Variants in RECQL5 observed in about 807,000 individuals in gnomAD.
The protein encoded by RECQL5 is RecQ like helicase 5, also known as ATP-dependent DNA helicase Q5.
In RECQL5, 88 loss-of-function variants were observed where a neutral mutation model predicts 103.4. The observed-to-expected ratio is 0.85, with a 90% confidence interval of 0.72 to 1.02. The LOEUF (loss-of-function observed/expected upper bound fraction) is 1.02, where lower values mean the gene tolerates loss of function less well. RECQL5 is among the 50% of genes least tolerant of loss of function. The pLI, the probability that RECQL5 is intolerant of heterozygous loss-of-function variation, is 0.00. For missense variants in RECQL5, 1,232 were observed against 1,284.3 expected, an observed-to-expected ratio of 0.96 and a Z score of 0.62; for synonymous variants, 552 against 507.9, an observed-to-expected ratio of 1.09 and a Z score of -1.17.
intron 7 of RECQL5, among the ~76,000 whole-genome samples, chr17:75,656,772 T>A (rs1021164214): frequency 9.9e-5 from 14 of 141,290 alleles, no homozygotes; most frequent in African/African-American, 3.7e-4. Context: ...TGAGACAGAG[T>A]CTCACTCTGT....
In RECQL5 at chr17:75,627,200, G is replaced by A. The variant is rs548508385; in HGVS notation, c.*222C>T. 2.3e-5 allele frequency: 15 copies of A among 655,656 alleles called. No homozygotes were observed. Among genetic ancestry groups the A allele is most frequent in the Non-Finnish European group, 3.4e-5 (12 of 355,624 alleles). 40.6% of individuals were successfully genotyped at this position (655,656 alleles called of 1,614,324 possible). A position where few individuals can be genotyped will look rare whatever the true frequency, so the allele number is the denominator to read the frequency against. On this transcript the variant is annotated 3_prime_UTR_variant, in exon 20 of 20. Transcript: ENST00000317905. The stretch of plus-strand genomic sequence containing the variant: ...GTGTCCCAGAAAACCCAGCCATGAG[G>A]ACCGCTCTGAGAAGGGTCTATAGGC...
chr17:75,630,809 A>G lies in RECQL5; in HGVS notation c.1614T>C (p.Ser538=), dbSNP rs765315385. ...CAGTCAGCCTGGGGATCCTCCTGCT[A>G]GAAGCCTCTTTCAGGGGACAGTTCT... ...PDENCPLKEA[S]SRRIPRLTVK... is the part of the protein sequence containing the mutation. The change falls in exon 12 of 20, where the codon TCT becomes TCC. Residue 538 remains serine, a synonymous_variant. Transcript: ENST00000317905. 2 of 1,436,796 alleles carry G rather than the reference A, an allele frequency of 1.4e-6. No homozygotes were observed. The highest frequency in any genetic ancestry group is 4.5e-5 in the Admixed American group (2 of 44,670). 89.0% of individuals were successfully genotyped at this position (1,436,796 alleles called of 1,614,324 possible).
chr17:75,633,802 G>T (rs2148251424), intron 8 of RECQL5: 2 of 1,008,284 alleles, frequency 2.0e-6, no homozygotes, highest in Admixed American at 5.5e-5. Flanking sequence ...GGCCAGGAAG[G>T]CAGAGAGCCG....
chr17:75,628,605 G>C (rs946858012), intron 17 of RECQL5, 67 bp downstream of exon 17: 128 of 1,519,714 alleles, frequency 8.4e-5, no homozygotes, highest in Non-Finnish European at 1.1e-4. Flanking sequence ...CTTGAGCAGG[G>C]CACAACAGCT....
rs2059216336 is a variant in RECQL5, at chr17:75,631,639, A to G, written c.1259T>C (p.Phe420Ser). The G allele has an allele frequency of 6.2e-7, 1 of 1,611,846 alleles. No individual in the cohort carries two copies. The highest frequency in any genetic ancestry group is 8.5e-7 in the Non-Finnish European group (1 of 1,179,812). Residue 420 changes from phenylalanine to serine, a missense_variant, in exon 9 of 20, where the codon TTC becomes TCC. Transcript: ENST00000317905. ...GCRHAAIAKYFGDALPACAKG... is the reference protein window; with the variant it reads ...GCRHAAIAKYSGDALPACAKG... ...GGCGCAGGCAGGCAGCGCATCCCCGAAGTACTTGGCAATGGCGGCATGGCG... is the reference window on the plus strand; with the variant it reads ...GGCGCAGGCAGGCAGCGCATCCCCGGAGTACTTGGCAATGGCGGCATGGCG...
Position 75,628,352 on chromosome 17 carries a change from C to T in RECQL5, c.2671G>A (p.Glu891Lys), listed in dbSNP as rs758403193. 62 of 1,613,900 alleles carry T rather than the reference C, an allele frequency of 3.8e-5. No individual in the cohort carries two copies. Among genetic ancestry groups the T allele is most frequent in the African/African-American group, 5.3e-5 (4 of 74,918 alleles). The change falls in exon 18 of 20, where the codon GAA (glutamate) becomes AAA (lysine). Residue 891 changes from glutamate to lysine, a missense_variant. Coordinates refer to ENST00000317905, the MANE Select transcript of RECQL5 (RefSeq NM_004259.7). ...AEVKGSVSASEQGTLNPTAQD... is the reference protein window; with the variant it reads ...AEVKGSVSASKQGTLNPTAQD... ...GCCGTGGGATTCAAGGTGCCCTGTT[C>T]GCTGGCCGAGACGCTGCCCTTGACC...
At chr17:75,632,421 C>T (rs549296153) in intron 8 of RECQL5, among the ~76,000 whole-genome samples, 11 of 152,322 alleles carry the variant, frequency 7.2e-5, no homozygotes, top group South Asian at 2.1e-4. Flanking sequence ...ACTCTGTGAC[C>T]GCACAATGAC....
Position 75,661,752 on chromosome 17 carries a change from G to C in RECQL5, c.772-44C>G, listed in dbSNP as rs140337296. ...GAAGAAAATAAGCATAGCAAGAACA[G>C]AACAATAGGCCCAGTGTAATGCACC... On this transcript the variant is annotated intron_variant, in intron 4 of 19. Transcript: ENST00000317905. The C allele has an allele frequency of 6.5e-5, 93 of 1,431,232 alleles. No homozygotes were observed. The African/African-American group carries it at 1.2e-3, about 18-fold the overall frequency. The allele number at this position is 1,431,232 out of a possible 1,614,324, so 88.7% of individuals were successfully genotyped here.
intron 14 of RECQL5, 81 bp from the exon 15 acceptor site, chr17:75,629,923 G>A (rs888654873): frequency 3.3e-6 from 5 of 1,505,012 alleles, no homozygotes; most frequent in African/African-American, 2.8e-5. Flanking sequence ...TTTCTACTAG[G>A]CACTACAAGT....
chr17:75,628,621 C>A, intron 17 of RECQL5, 51 bp downstream of exon 17: 1 of 1,536,154 alleles, frequency 6.5e-7, no homozygotes, highest in Non-Finnish European at 8.7e-7. Flanking sequence ...CAGCTCCTGG[C>A]CTCGCCCACA....
chr17:75,639,610 T>C, intron 8 of RECQL5: 1 of 152,166 alleles, frequency 6.6e-6, no homozygotes, highest in Non-Finnish European at 1.5e-5. Context: ...CGGTGCGGCC[T>C]CCCCCTCTGG....
intron 8 of RECQL5, chr17:75,649,374 GGCT>G (rs1475620827): frequency 2.6e-5 from 4 of 152,424 alleles, no homozygotes; most frequent in African/African-American, 9.6e-5. Context: ...GAAAACCGCT[GGCT>G]GCCACAGCCC....
At chr17:75,647,244 G>A (rs1007422382) in intron 8 of RECQL5, 5 of 727,168 alleles carry the variant, frequency 6.9e-6, no homozygotes, top group Non-Finnish European at 1.1e-5. Context: ...CATGTCCCCT[G>A]GCTGCCAGGC....
At chr17:75,643,559 G>A (rs956855117) in intron 8 of RECQL5, among the ~76,000 whole-genome samples, 8 of 152,232 alleles carry the variant, frequency 5.3e-5, no homozygotes, top group Non-Finnish European at 8.8e-5. Flanking sequence ...CCTGCTCTCC[G>A]ACAGCAGCCT....
intron 2 of RECQL5, 149 bp from the exon 3 acceptor site, chr17:75,665,321 T>C: frequency 1.5e-6 from 1 of 682,486 alleles, no homozygotes; most frequent in Non-Finnish European, 2.4e-6. Flanking sequence ...CTCCTGTCCT[T>C]TCTATGAAAA....
At chr17:75,660,931 G>T in intron 6 of RECQL5, 24 bp downstream of exon 6, 1 of 1,560,592 alleles carries the variant, frequency 6.4e-7, no homozygotes, top group Non-Finnish European at 8.8e-7. Context: ...AGACCAGGAG[G>T]GCAGGGCAAG....
chr17:75,644,822 C>G (rs889633005), intron 8 of RECQL5, among the ~76,000 whole-genome samples: 2 of 75,454 alleles, frequency 2.7e-5, no homozygotes, highest in African/African-American at 1.0e-4. Flanking sequence ...GAGTGAGACT[C>G]TGCCTCAAAA....
intron 8 of RECQL5, among the ~76,000 whole-genome samples, chr17:75,644,532 G>T (rs2059467596): frequency 2.0e-5 from 3 of 151,884 alleles, no homozygotes; most frequent in African/African-American, 7.2e-5. Context: ...ACTGCCTGGG[G>T]CATGACAGTG....
At chr17:75,642,170 G>C (rs2059442792) in intron 8 of RECQL5, among the ~76,000 whole-genome samples, 1 of 152,156 alleles carries the variant, frequency 6.6e-6, no homozygotes, top group Non-Finnish European at 1.5e-5. Context: ...GAACTTTCCA[G>C]GTAGAGCTAC....
Sources: allele counts gnomAD v4.1 joint callset (sites outside exome capture counted in the v4.1 genomes callset), GRCh38; gene constraint gnomAD v4.1.1; transcripts MANE v1.5; gene names NCBI Gene and HGNC (gene_info 2026-07-23, HGNC 2026-07-21).